The following DRC3 variants were observed in gnomAD, a reference collection of about 807,000 sequenced individuals.
DRC3 encodes the protein dynein regulatory complex subunit 3.
DRC3 carries 45 observed loss-of-function variants against 57.6 expected under a neutral mutation model. The observed-to-expected ratio is 0.78, with a 90% confidence interval of 0.62 to 1.00. The LOEUF is 1.00. DRC3 is among the 50% of genes least tolerant of loss of function. The pLI is 0.00. For synonymous variants in DRC3, 257 were observed against 272.3 expected (o/e 0.94, Z 0.55); for missense variants, 655 against 675.2 (o/e 0.97, Z 0.33).
intron 9 of DRC3, among the ~76,000 whole-genome samples, chr17:18,001,256 C>T (rs989673511): frequency 5.3e-5 from 8 of 152,150 alleles, no homozygotes; most frequent in African/African-American, 1.9e-4. Flanking sequence ...GTAATCTCAG[C>T]ACTTTCGGAG....
intron 12 of DRC3, among the ~76,000 whole-genome samples, chr17:18,014,790 C>G (rs1260585206): frequency 6.6e-6 from 1 of 152,218 alleles, no homozygotes; most frequent in Admixed American, 6.5e-5. Flanking sequence ...CCTAAGCACA[C>G]TGCCAAGGCT....
intron 9 of DRC3, among the ~76,000 whole-genome samples, chr17:18,002,158 ACT>A (rs369060802): frequency 5.0e-4 from 76 of 151,724 alleles, no homozygotes; most frequent in African/African-American, 1.8e-3. Context: ...ACAGTGTGAG[ACT>A]CTGTCTCAAA....
intron 12 of DRC3, among the ~76,000 whole-genome samples, chr17:18,009,814 A>G (rs1163377925): frequency 6.6e-6 from 1 of 152,218 alleles, no homozygotes; most frequent in Non-Finnish European, 1.5e-5. Flanking sequence ...CCACTCATGC[A>G]GTTGAGTGAC....
At position 18,006,214 on chromosome 17, in the gene DRC3, T is replaced by G; in HGVS notation, c.1163T>G (p.Val388Gly). Residue 388 changes from valine to glycine, a missense_variant, in exon 11 of 14, where the codon GTT becomes GGT. Coordinates refer to ENST00000399187, the MANE Select transcript of DRC3 (RefSeq NM_031294.4). ...ATAAACATGTTTGAAAGGAACATTGTTGACATGGTAGGACTGTTTATCGAA... is the reference window on the plus strand; with the variant it reads ...ATAAACATGTTTGAAAGGAACATTGGTGACATGGTAGGACTGTTTATCGAA... ...ETINMFERNI[V>G]DMVGLFIENV... is the part of the protein sequence containing the mutation. The G allele has an allele frequency of 1.9e-6, 3 of 1,612,720 alleles. No homozygotes were observed. The highest frequency in any genetic ancestry group is 2.5e-6 in the Non-Finnish European group (3 of 1,179,066).
chr17:17,988,142 T>A, intron 5 of DRC3, 44 bp downstream of exon 5: 1 of 1,585,902 alleles, frequency 6.3e-7, no homozygotes. Context: ...CTGCAGAGCC[T>A]TGGAGCGCCG....
At chr17:17,981,184 C>G (rs748967093) in intron 3 of DRC3, 3 of 222,148 alleles carry the variant, frequency 1.4e-5, no homozygotes, top group Non-Finnish European at 2.0e-5. Context: ...TGTAAGTTCC[C>G]TTTAAGCAAA....
chr17:18,006,289 TG>T, intron 11 of DRC3, 36 bp downstream of exon 11: 1 of 1,457,666 alleles, frequency 6.9e-7, no homozygotes, highest in Non-Finnish European at 9.6e-7. Flanking sequence ...CATGGGGAGG[TG>T]CTACAGAGCC....
Position 17,987,929 on chromosome 17 carries a change from C to A in DRC3, c.278-3C>A, listed in dbSNP as rs751229942. The A allele has an allele frequency of 1.2e-6, 2 of 1,613,646 alleles. No homozygotes were observed. Among genetic ancestry groups the A allele is most frequent in the Non-Finnish European group, 1.7e-6 (2 of 1,179,730 alleles). The stretch of plus-strand genomic sequence containing the variant: ...GACCCTCACAGCCCTCTCTTCTTCC[C>A]AGATCTGTCTTTCAACAACATTGAG... On this transcript the variant is annotated splice_polypyrimidine_tract_variant and splice_region_variant and intron_variant, in intron 4 of 13. Coordinates refer to ENST00000399187, the MANE Select transcript of DRC3 (RefSeq NM_031294.4).
chr17:18,002,191 T>G (rs1328481868), intron 9 of DRC3, among the ~76,000 whole-genome samples: 4 of 152,046 alleles, frequency 2.6e-5, no homozygotes, highest in African/African-American at 9.7e-5. Context: ...ATCTCCCAGG[T>G]TTTCTGCTAG....
intron 9 of DRC3, among the ~76,000 whole-genome samples, chr17:18,000,299 CGTGTGT>C (rs34508417): frequency 8.7e-4 from 104 of 119,286 alleles, no homozygotes; most frequent in Middle Eastern, 5.2e-3. Context: ...ACTTTGCTTT[CGTGTGT>C]GTGTGTGTGT....
chr17:17,993,932 G>GTAGAT, intron 6 of DRC3: 5 of 253,656 alleles, frequency 2.0e-5, no homozygotes, highest in Non-Finnish European at 3.9e-5. Flanking sequence ...CAGAAGGCCT[G>GTAGAT]CTGAGGGCTG....
At chr17:18,001,763 TTAAAAG>T (rs2043742524) in intron 9 of DRC3, among the ~76,000 whole-genome samples, 1 of 152,140 alleles carries the variant, frequency 6.6e-6, no homozygotes, top group Non-Finnish European at 1.5e-5. Context: ...AGACCCCATC[TTAAAAG>T]TAAATACATA....
Position 17,988,099 on chromosome 17 carries a change from G to A in DRC3, c.444+1G>A, listed in dbSNP as rs745637558. On this transcript the variant is annotated splice_donor_variant, in intron 5 of 13. Coordinates refer to ENST00000399187, the MANE Select transcript of DRC3 (RefSeq NM_031294.4). LOFTEE classifies it high-confidence loss of function. Reference sequence around the variant, plus strand: ...CAACCGGATTGACAACATGATGAACGTGAGTGGCCGCCCAGCCCGCCCTCA... The same window carrying A: ...CAACCGGATTGACAACATGATGAACATGAGTGGCCGCCCAGCCCGCCCTCA... 11 of 1,612,904 alleles carry A rather than the reference G, an allele frequency of 6.8e-6. No homozygotes were observed. Among genetic ancestry groups the A allele is most frequent in the South Asian group, 4.4e-5 (4 of 90,978 alleles).
intron 6 of DRC3, chr17:17,993,120 GC>G: frequency 1.8e-6 from 1 of 553,662 alleles, no homozygotes; most frequent in Non-Finnish European, 3.2e-6. Context: ...GTTCCCAGGG[GC>G]CAGGCCTCTT....
At chr17:17,993,812 A>AC (rs2043333127) in intron 6 of DRC3, 1 of 165,652 alleles carries the variant, frequency 6.0e-6, no homozygotes, top group African/African-American at 2.4e-5. Flanking sequence ...CTGGCCAGGT[A>AC]CAGGGGGATG....
At position 17,972,930 on chromosome 17, in the gene DRC3, A is replaced by G. The variant is rs1316187644; in HGVS notation, c.-173A>G. The G allele has an allele frequency of 6.5e-6, 1 of 152,848 alleles. No homozygotes were observed. Among genetic ancestry groups the G allele is most frequent in the South Asian group, 1.9e-4 (1 of 5,404 alleles). The allele number at this position is 152,848 out of a possible 1,614,324, so 9.5% of individuals were successfully genotyped here. On this transcript the variant is annotated 5_prime_UTR_variant, in exon 1 of 14. Transcript: ENST00000399187. ...CGCTTGGTTCCCCAGCAACCGGGAG[A>G]CGCGTCTGCTGCGTGGAACCGCCGA...
intron 7 of DRC3, among the ~76,000 whole-genome samples, 193 bp from the exon 8 acceptor site, chr17:17,994,806 C>T (rs555305410): frequency 2.6e-5 from 4 of 152,328 alleles, no homozygotes; most frequent in African/African-American, 9.6e-5. Flanking sequence ...GTCTCCACCC[C>T]TCCTTGCAAC....
chr17:18,007,667 A>T, intron 12 of DRC3: 1 of 1,354,494 alleles, frequency 7.4e-7, no homozygotes. Context: ...GCACGCTAAG[A>T]AGGCTCTCCC....
At chr17:17,992,689 T>G in intron 5 of DRC3, 76 bp from the exon 6 acceptor site, 1 of 1,490,048 alleles carries the variant, frequency 6.7e-7, no homozygotes, top group African/African-American at 1.4e-5. Context: ...GAAAGAGTAC[T>G]GAGGAGGGAG....
Sources: allele counts gnomAD v4.1 joint callset (sites outside exome capture counted in the v4.1 genomes callset), GRCh38; gene constraint gnomAD v4.1.1; transcripts MANE v1.5; gene names NCBI Gene and HGNC (gene_info 2026-07-23, HGNC 2026-07-21).